The following AMBN variants were observed in gnomAD, a reference collection of about 807,000 sequenced individuals.
AMBN encodes the protein ameloblastin.
In AMBN, 54 loss-of-function variants were observed where a neutral mutation model predicts 48.0. That is an observed-to-expected ratio of 1.12 (90% CI 0.90 to 1.41). AMBN has a LOEUF of 1.41. Among genes scored for constraint, AMBN ranks in the 40% most tolerant of loss-of-function variants. The probability of loss-of-function intolerance (pLI) is 0.00; values close to 1 mark genes in which losing one functional copy is unlikely to be tolerated. For missense variants in AMBN, 571 were observed against 547.3 expected (o/e 1.04, Z -0.43); for synonymous variants, 186 against 190.0 (o/e 0.98, Z 0.17).
rs753006873 is a variant in AMBN at position 70,602,779 on chromosome 4, A to C, written c.571-19A>C. The C allele has an allele frequency of 1.2e-5, 19 of 1,552,154 alleles. No individual in the cohort carries two copies. Among genetic ancestry groups the C allele is most frequent in the Non-Finnish European group, 1.7e-5 (19 of 1,145,910 alleles). The stretch of plus-strand genomic sequence containing the variant: ...TGTTCATTTTTTACTGATAATTTTA[A>C]TATTTATCTACAATATAGCTCCCAG... On this transcript the variant is annotated intron_variant, in intron 7 of 12. Coordinates refer to ENST00000322937, the MANE Select transcript of AMBN (RefSeq NM_016519.6).
At chr4:70,598,657 CTT>C (rs576696208) in intron 4 of AMBN, among the ~76,000 whole-genome samples, 92 of 124,344 alleles carry the variant, frequency 7.4e-4, no homozygotes, top group African/African-American at 3.3e-3. Flanking sequence ...AACACAAGTG[CTT>C]AAAAAGCTAA....
At chr4:70,603,792 G>A in intron 11 of AMBN, 85 bp from the exon 12 acceptor site, 2 of 1,452,302 alleles carry the variant, frequency 1.4e-6, no homozygotes, top group East Asian at 2.3e-5. Flanking sequence ...AGGTTTAAGT[G>A]AAAACTAAAT....
At position 70,597,009 on chromosome 4, in the gene AMBN, A is replaced by C; in HGVS notation, c.95A>C (p.Gln32Pro). The change falls in exon 3 of 13, where the codon CAG (glutamine) becomes CCG (proline). Residue 32 changes from glutamine to proline, a missense_variant. Physicochemically the swap from Gln to Pro is moderately conservative, Grantham distance 76. Coordinates refer to ENST00000322937, the MANE Select transcript of AMBN (RefSeq NM_016519.6). ...CTTATTTTCATTCAGTTCTTTCCTC[A>C]GCAATCTGGAACACCGGGTATGGCT... is the stretch of plus-strand genomic sequence containing the variant. Reference protein sequence around the residue: ...EMSFAVPFFPQQSGTPGMASL... With the variant: ...EMSFAVPFFPPQSGTPGMASL... 6.2e-7 allele frequency: 1 copy of C among 1,613,446 alleles called. No homozygotes were observed. Among genetic ancestry groups the C allele is most frequent in the Non-Finnish European group, 8.5e-7 (1 of 1,179,590 alleles).
chr4:70,597,015 C>G lies in AMBN; in HGVS notation c.101C>G (p.Ser34Cys). The G allele has an allele frequency of 1.2e-6, 2 of 1,613,434 alleles. No homozygotes were observed. Among genetic ancestry groups the G allele is most frequent in the Middle Eastern group, 1.7e-4 (1 of 6,058 alleles). The change falls in exon 3 of 13, where the codon TCT (serine) becomes TGT (cysteine). Residue 34 changes from serine (S) to cysteine (C), a missense_variant. Transcript: ENST00000322937. ...SFAVPFFPQQ[S>C]GTPGMASLSL... ...TTCATTCAGTTCTTTCCTCAGCAAT[C>G]TGGAACACCGGGTATGGCTAGTTTG...
intron 11 of AMBN, 56 bp downstream of exon 11, chr4:70,603,516 T>G: frequency 6.5e-7 from 1 of 1,539,014 alleles, no homozygotes; most frequent in African/African-American, 1.4e-5. Context: ...TCTTAAGAGC[T>G]AAAATTCAAA....
Position 70,602,588 on chromosome 4 carries a change from T to C in AMBN, c.532-36T>C, listed in dbSNP as rs1737543440. The C allele has an allele frequency of 4.7e-6, 7 of 1,480,162 alleles. No homozygotes were observed. In the East Asian group the frequency reaches 1.6e-4, roughly 34 times the overall value. 91.7% of individuals were successfully genotyped at this position (1,480,162 alleles called of 1,614,324 possible). On this transcript the variant is annotated intron_variant, in intron 6 of 12. Coordinates refer to ENST00000322937, the MANE Select transcript of AMBN (RefSeq NM_016519.6). ...GTCACTTTGTCTATTTTGTTTATTT[T>C]TTGACTGATAATTTTAATATTTATC...
In AMBN at chr4:70,602,699, T is replaced by TATTTTTTA. The variant is rs1246414897; in HGVS notation, c.570+44_570+51dup. 7 of 1,535,250 alleles carry TATTTTTTA rather than the reference T, an allele frequency of 4.6e-6. No homozygotes were observed. The Middle Eastern group carries it at 1.3e-3, about 287-fold the overall frequency. On this transcript the variant is annotated intron_variant, in intron 7 of 12. Coordinates refer to ENST00000322937, the MANE Select transcript of AMBN (RefSeq NM_016519.6). The stretch of plus-strand genomic sequence containing the variant: ...TCTCAATGAGACACTTTCTGTATTT[T>TATTTTTTA]ATTTTTTAATTTTTATTTGTTCACT...
chr4:70,600,949 C>T (rs1478656211), intron 5 of AMBN, among the ~76,000 whole-genome samples: 1 of 152,030 alleles, frequency 6.6e-6, no homozygotes, highest in Non-Finnish European at 1.5e-5. Flanking sequence ...TTCATTAACT[C>T]GAAAAATATA....
rs1352611153 is a variant in AMBN at position 70,606,549 on chromosome 4, C to T, written c.1163C>T (p.Thr388Ile). The change falls in exon 13 of 13, where the codon ACC becomes ATC. Residue 388 changes from threonine to isoleucine, a missense_variant. Coordinates refer to ENST00000322937, the MANE Select transcript of AMBN (RefSeq NM_016519.6). Reference sequence around the variant, plus strand: ...CCAGCAGCTGCTGACCCACTGATGACCCCTGAATTAGCTGATGTTTATAGG... The same window carrying T: ...CCAGCAGCTGCTGACCCACTGATGATCCCTGAATTAGCTGATGTTTATAGG... ...VTPAAADPLM[T>I]PELADVYRTY... is the part of the protein sequence containing the mutation. 1.2e-6 allele frequency: 2 copies of T among 1,614,122 alleles called. No individual in the cohort carries two copies. The highest frequency in any genetic ancestry group is 2.2e-5 in the South Asian group (2 of 91,078).
rs769523083 is a variant in AMBN, at chr4:70,599,634, T to A, written c.282T>A (p.His94Gln). Reference protein sequence around the residue: ...SSLPWMRPREHETQQYEYSLP... With the variant: ...SSLPWMRPREQETQQYEYSLP... Reference sequence around the variant, plus strand: ...TTCCATGGATGAGGCCAAGAGAACATGAAACTCAACAGGTGAGTGAATAGC... The same window carrying A: ...TTCCATGGATGAGGCCAAGAGAACAAGAAACTCAACAGGTGAGTGAATAGC... The change falls in exon 5 of 13, where the codon CAT becomes CAA. Residue 94 changes from histidine (H) to glutamine (Q), a missense_variant. Physicochemically the swap from His to Gln is conservative, Grantham distance 24 (BLOSUM62 0). Transcript: ENST00000322937. The A allele has an allele frequency of 5.0e-6, 8 of 1,609,698 alleles. No individual in the cohort carries two copies. The highest frequency in any genetic ancestry group is 4.5e-5 in the East Asian group (2 of 44,758).
intron 4 of AMBN, among the ~76,000 whole-genome samples, chr4:70,598,954 T>G (rs1737451631): frequency 6.7e-6 from 1 of 149,960 alleles, no homozygotes; most frequent in South Asian, 2.2e-4. Flanking sequence ...TTTGTATTTT[T>G]TAGTAGAGAC....
intron 2 of AMBN, among the ~76,000 whole-genome samples, chr4:70,595,287 A>T (rs552641212): frequency 1.3e-5 from 2 of 149,672 alleles, no homozygotes; most frequent in African/African-American, 4.9e-5. Flanking sequence ...TTCTGGGTTC[A>T]AGCGATTCTC....
intron 8 of AMBN, 53 bp downstream of exon 8, chr4:70,602,889 G>A: frequency 1.3e-6 from 2 of 1,517,870 alleles, no homozygotes; most frequent in South Asian, 1.3e-5. Flanking sequence ...ATTTTTATTT[G>A]TTCACTTTGT....
chr4:70,593,607 G>A (rs1464689891), intron 2 of AMBN, among the ~76,000 whole-genome samples: 2 of 152,212 alleles, frequency 1.3e-5, no homozygotes, highest in Non-Finnish European at 2.9e-5. Flanking sequence ...GCTCACGCCT[G>A]TAATCCCAGC....
chr4:70,593,842 G>T (rs1157885734), intron 2 of AMBN, among the ~76,000 whole-genome samples: 3 of 147,980 alleles, frequency 2.0e-5, no homozygotes, highest in Non-Finnish European at 4.4e-5. Context: ...TCCAGCCTGG[G>T]TGACGGAGTG....
At chr4:70,599,471 A>T in intron 4 of AMBN, 65 bp from the exon 5 acceptor site, 1 of 1,268,350 alleles carries the variant, frequency 7.9e-7, no homozygotes, top group Middle Eastern at 2.0e-4. Context: ...AAGGAAAACC[A>T]AATATAACCA....
At chr4:70,597,538 C>T (rs1737414452) in intron 3 of AMBN, among the ~76,000 whole-genome samples, 1 of 151,946 alleles carries the variant, frequency 6.6e-6, no homozygotes. Context: ...TTGCAGTTCT[C>T]ATGTAATATA....
In AMBN at chr4:70,601,594, AG is replaced by A; in HGVS notation, c.473del (p.Gly158GlufsTer24). 6.2e-7 allele frequency: 1 copy of A among 1,614,152 alleles called. No individual in the cohort carries two copies. ...ACCTGGGACATCTGCCCTTGCAGGA[AG>A]GAGAACTGCCTCTGGTTCAGCAGCA... is the stretch of plus-strand genomic sequence containing the variant. ...IHLGHLPLQEGELPLVQQQVA... is the reference protein window; with the variant it reads ...IHLGHLPLQEXELPLVQQQVA... On this transcript the variant is annotated frameshift_variant, in exon 6 of 13. Transcript: ENST00000322937. LOFTEE classifies it high-confidence loss of function.
In AMBN at chr4:70,603,440, C is replaced by A; in HGVS notation, c.733C>A (p.Pro245Thr). 6.2e-7 allele frequency: 1 copy of A among 1,612,470 alleles called. No individual in the cohort carries two copies. The highest frequency in any genetic ancestry group is 8.5e-7 in the Non-Finnish European group (1 of 1,179,746). The change falls in exon 11 of 13, where the codon CCT becomes ACT. Residue 245 changes from proline to threonine, a missense_variant. Pro to Thr is a conservative substitution (Grantham distance 38, BLOSUM62 -1). Transcript: ENST00000322937. Reference protein sequence around the residue: ...SPLYPGMLYVPFGANQLNAPA... With the variant: ...SPLYPGMLYVTFGANQLNAPA... ...GCTTTATCCAGGAATGTTGTACGTGCCTTTTGGAGCAAATCAATTGGTAAG... is the reference window on the plus strand; with the variant it reads ...GCTTTATCCAGGAATGTTGTACGTGACTTTTGGAGCAAATCAATTGGTAAG...
Sources: gnomAD v4.1 joint callset for allele counts (sites outside exome capture counted in the v4.1 genomes callset) on GRCh38, gnomAD v4.1.1 for gene constraint, MANE v1.5 for transcripts, NCBI Gene and HGNC (gene_info 2026-07-23, HGNC 2026-07-21) for gene names.